SDK1: variants seen among roughly 807,000 people sequenced by gnomAD.
The protein encoded by SDK1 is sidekick cell adhesion molecule 1.
Under a neutral mutation model 245.5 loss-of-function variants are expected in SDK1, and 157 were observed. That is an observed-to-expected ratio of 0.64 (90% CI 0.56 to 0.73). SDK1 has a LOEUF of 0.73. SDK1 is among the 30% of genes least tolerant of loss of function. SDK1 has a pLI of 0.00. For synonymous variants in SDK1, 1,647 were observed against 1,278.5 expected (o/e 1.29, Z -6.15); for missense variants, 3,583 against 3,002.3 (o/e 1.19, Z -4.52).
chr7:4,161,446 C>T (rs544322310), intron 31 of SDK1, among the ~76,000 whole-genome samples: 1 of 152,340 alleles, frequency 6.6e-6, no homozygotes, highest in East Asian at 1.9e-4. Context: ...AGTTCCCCTG[C>T]TCTCCCAGAA....
In SDK1 at chr7:4,196,797, C is replaced by G. The variant is rs535076467; in HGVS notation, c.5099-9082C>G. 5.6e-4 allele frequency among the ~76,000 whole-genome samples: 86 copies of G among 152,320 alleles called. 2 individuals are homozygous for G. The highest frequency in any genetic ancestry group is 2.0e-3 in the African/African-American group (84 of 41,570). On this transcript the variant is annotated intron_variant, in intron 35 of 44. Coordinates refer to ENST00000404826, the MANE Select transcript of SDK1 (RefSeq NM_152744.4). The stretch of plus-strand genomic sequence containing the variant: ...AGGCACACAGATCCTACCTCATGAG[C>G]CAGTGCTTCTCACGGTACCTAGTGG...
At chr7:3,593,802 C>T (rs1048821523) in intron 1 of SDK1, among the ~76,000 whole-genome samples, 17 of 152,290 alleles carry the variant, frequency 1.1e-4, no homozygotes, top group African/African-American at 2.2e-4. Flanking sequence ...AGACAGGTTC[C>T]GGGTTCTGGC....
intron 5 of SDK1, among the ~76,000 whole-genome samples, chr7:3,854,503 G>T (rs1326518996): frequency 6.6e-6 from 1 of 152,114 alleles, no homozygotes; most frequent in Non-Finnish European, 1.5e-5. Flanking sequence ...TGCTAAAGGT[G>T]ATCTGATTAG....
intron 17 of SDK1, among the ~76,000 whole-genome samples, chr7:4,041,608 C>T (rs1052271933): frequency 2.0e-5 from 3 of 152,130 alleles, no homozygotes; most frequent in Non-Finnish European, 4.4e-5. Flanking sequence ...GTTCACCCCT[C>T]CTGACTGCCG....
intron 1 of SDK1, among the ~76,000 whole-genome samples, chr7:3,588,194 G>C (rs1173788708): frequency 6.6e-6 from 1 of 152,128 alleles, no homozygotes; most frequent in African/African-American, 2.4e-5. Context: ...CAAATATAAG[G>C]TTTCTTCAAG....
intron 1 of SDK1, among the ~76,000 whole-genome samples, chr7:3,578,525 G>C (rs1247495028): frequency 6.6e-6 from 1 of 151,912 alleles, no homozygotes; most frequent in African/African-American, 2.4e-5. Flanking sequence ...TCCCAATCCT[G>C]GTAAGCCTGA....
At chr7:3,751,425 A>G (rs1779768792) in intron 4 of SDK1, among the ~76,000 whole-genome samples, 1 of 123,164 alleles carries the variant, frequency 8.1e-6, no homozygotes, top group Non-Finnish European at 1.6e-5. Flanking sequence ...ATAGAACCAG[A>G]GGACAAGATA....
At chr7:3,925,269 A>G (rs1028657836) in intron 5 of SDK1, among the ~76,000 whole-genome samples, 10 of 152,196 alleles carry the variant, frequency 6.6e-5, no homozygotes, top group Admixed American at 1.3e-4. Flanking sequence ...ACCTTTGATA[A>G]GCTGAGAACT....
chr7:4,146,410 C>G (rs1779986318), intron 29 of SDK1, among the ~76,000 whole-genome samples: 1 of 151,254 alleles, frequency 6.6e-6, no homozygotes, highest in Non-Finnish European at 1.5e-5. Flanking sequence ...TCGTGACACA[C>G]TTTCAGCCTC....
At chr7:3,871,591 G>T (rs756308850) in intron 5 of SDK1, among the ~76,000 whole-genome samples, 4 of 152,200 alleles carry the variant, frequency 2.6e-5, no homozygotes, top group Non-Finnish European at 4.4e-5. Context: ...AAGACCTCAG[G>T]CTGCTTCCAT....
Position 3,657,182 on chromosome 7 carries a change from C to G in SDK1, c.713+15077C>G, listed in dbSNP as rs1176836227. Among the ~76,000 whole-genome samples the G allele has an allele frequency of 2.0e-5, 3 of 152,258 alleles. No individual in the cohort carries two copies. In the South Asian group the frequency reaches 6.2e-4, roughly 32 times the overall value. ...AAGAGTCACAGGGTGTGTGTCCCAC[C>G]CAGGGCATTCGTGCACCTTAGGGCT... On this transcript the variant is annotated intron_variant, in intron 4 of 44. Transcript: ENST00000404826.
At chr7:4,039,240 C>T (rs1788429607) in intron 17 of SDK1, among the ~76,000 whole-genome samples, 1 of 151,678 alleles carries the variant, frequency 6.6e-6, no homozygotes, top group Admixed American at 6.6e-5. Flanking sequence ...CAACATGGCA[C>T]ATGTATACAT....
intron 5 of SDK1, among the ~76,000 whole-genome samples, chr7:3,850,820 G>GA (rs1780400390): frequency 7.0e-6 from 1 of 143,722 alleles, no homozygotes; most frequent in Admixed American, 7.1e-5. Context: ...AGAACACTTG[G>GA]ACACAGGAAG....
intron 32 of SDK1, among the ~76,000 whole-genome samples, chr7:4,171,895 G>A (rs1433913664): frequency 1.3e-5 from 2 of 152,198 alleles, no homozygotes; most frequent in Non-Finnish European, 2.9e-5. Flanking sequence ...GTGGGGCATT[G>A]ACAAGCACAC....
chr7:3,677,000 C>G (rs1259016506), intron 4 of SDK1, among the ~76,000 whole-genome samples: 1 of 152,096 alleles, frequency 6.6e-6, no homozygotes, highest in African/African-American at 2.4e-5. Flanking sequence ...ACTTCTGTTC[C>G]CTGGACATAC....
At chr7:4,114,958 G>A (rs958703438) in intron 25 of SDK1, among the ~76,000 whole-genome samples, 3 of 152,224 alleles carry the variant, frequency 2.0e-5, no homozygotes, top group African/African-American at 7.2e-5. Context: ...AAGCAATGGA[G>A]CAGTGTTTTT....
chr7:3,807,021 A>C lies in SDK1; in HGVS notation c.714-14429A>C, dbSNP rs553030293. Among the ~76,000 whole-genome samples, 10 of 152,292 alleles carry C rather than the reference A, an allele frequency of 6.6e-5. No homozygotes were observed. In the South Asian group the frequency reaches 1.7e-3, roughly 25 times the overall value. On this transcript the variant is annotated intron_variant, in intron 4 of 44. Transcript: ENST00000404826. ...TCGATAGCTGTATTTCACCCAGGCA[A>C]ATCTGAAGTTGTCATCTTATTTTCT...
In SDK1 at chr7:3,967,416, G is replaced by T. The variant is rs537568518; in HGVS notation, c.1528G>T (p.Ala510Ser). Residue 510 changes from alanine to serine, a missense_variant, in exon 10 of 45, where the codon GCC becomes TCC. Ala to Ser is a moderately conservative substitution (Grantham distance 99). Coordinates refer to ENST00000404826, the MANE Select transcript of SDK1 (RefSeq NM_152744.4). ...TGAGGTGTCCGGGGCTCCCAAACCCGCCATCACCTGGAAAAGAGGTGGGTA... is the reference window on the plus strand; with the variant it reads ...TGAGGTGTCCGGGGCTCCCAAACCCTCCATCACCTGGAAAAGAGGTGGGTA... ...RCEVSGAPKP[A>S]ITWKRENHIL... The T allele has an allele frequency of 3.7e-6, 6 of 1,612,496 alleles. No individual in the cohort carries two copies. The highest frequency in any genetic ancestry group is 5.1e-6 in the Non-Finnish European group (6 of 1,178,578).
intron 1 of SDK1, among the ~76,000 whole-genome samples, chr7:3,601,776 A>G (rs1781260845): frequency 6.6e-6 from 1 of 151,142 alleles, no homozygotes; most frequent in Non-Finnish European, 1.5e-5. Context: ...TGCTGCACCC[A>G]TTAACTCGTC....
Sources: allele counts gnomAD v4.1 joint callset (sites outside exome capture counted in the v4.1 genomes callset), GRCh38; gene constraint gnomAD v4.1.1; transcripts MANE v1.5; gene names NCBI Gene and HGNC (gene_info 2026-07-23, HGNC 2026-07-21).